DYNC2I2: variants seen among roughly 807,000 people sequenced by gnomAD.
DYNC2I2 encodes the protein cytoplasmic dynein 2 intermediate chain 2.
DYNC2I2 carries 39 observed loss-of-function variants against 52.0 expected under a neutral mutation model. The ratio of observed to expected loss-of-function variants is 0.75; its 90% CI spans 0.58 to 0.98. DYNC2I2 has a LOEUF of 0.98. Among genes scored for constraint, DYNC2I2 ranks in the 50% least tolerant of loss-of-function variants. The pLI is 0.00. For synonymous variants in DYNC2I2, 359 were observed against 321.1 expected, an observed-to-expected ratio of 1.12 and a Z score of -1.26; for missense variants, 743 against 728.4, an observed-to-expected ratio of 1.02 and a Z score of -0.23.
intron 1 of DYNC2I2, among the ~76,000 whole-genome samples, chr9:128,641,976 TACACACAC>T (rs142269423): frequency 6.8e-5 from 10 of 147,080 alleles, no homozygotes; most frequent in East Asian, 2.0e-4. Context: ...TTTATATACA[TACACACAC>T]ACACACACAC....
chr9:128,684,418 C>T, the DYNC2I2 span, among the ~76,000 whole-genome samples: 12 of 152,150 alleles, frequency 7.9e-5, no homozygotes, highest in South Asian at 4.1e-4. Context: ...CTGCCGACGG[C>T]GGCCCACAAC....
rs764534295 is a variant in DYNC2I2, at chr9:128,633,898, T to TAGAC, written c.1453_1456dup (p.Tyr486CysfsTer41). 1 of 1,613,368 alleles carries TAGAC rather than the reference T, an allele frequency of 6.2e-7. No individual in the cohort carries two copies. Among genetic ancestry groups the TAGAC allele is most frequent in the South Asian group, 1.1e-5 (1 of 91,082 alleles). ...CTGCTGGCTGTTGAACTCCAGACAG[T>TAGAC]AGACAGGGCTTTCATCCTGGGTTTG... On this transcript the variant is annotated frameshift_variant, in exon 9 of 9. Transcript: ENST00000372715. LOFTEE classifies it high-confidence loss of function.
At chr9:128,674,579 C>T in the DYNC2I2 span, among the ~76,000 whole-genome samples, 96 of 152,020 alleles carry the variant, frequency 6.3e-4, no homozygotes, top group African/African-American at 2.3e-3. Context: ...CTTGTCTGTA[C>T]TAAAAATACA....
intron 7 of DYNC2I2, among the ~76,000 whole-genome samples, 153 bp from the exon 8 acceptor site, chr9:128,634,536 G>A (rs1172114689): frequency 6.6e-6 from 1 of 152,220 alleles, no homozygotes; most frequent in South Asian, 2.1e-4. Context: ...GAGAAGGGAC[G>A]ATGCCTGGGC....
chr9:128,635,300 C>T (rs768318969), intron 5 of DYNC2I2, 41 bp from the exon 6 acceptor site: 1 of 1,600,048 alleles, frequency 6.2e-7, no homozygotes, highest in South Asian at 1.1e-5. Flanking sequence ...AGACAAGGGA[C>T]ACCTGCCCAG....
chr9:128,637,067 C>G (rs1860429414), intron 2 of DYNC2I2, 40 bp from the exon 3 acceptor site: 3 of 1,510,694 alleles, frequency 2.0e-6, no homozygotes, highest in Non-Finnish European at 9.1e-7. Context: ...AAGCCACCAG[C>G]AGGGGCCTCA....
intron 2 of DYNC2I2, 30 bp downstream of exon 2, chr9:128,640,661 G>C (rs557211544): frequency 1.3e-6 from 2 of 1,598,758 alleles, no homozygotes; most frequent in Non-Finnish European, 1.7e-6. Context: ...GCAGGGGCTC[G>C]ACCCGAGGCT....
In DYNC2I2 at chr9:128,633,998, G is replaced by C. The variant is rs767468489; in HGVS notation, c.1373-16C>G. ...TGCACGTCACCTGCAAAGAGAGACA[G>C]ATACGTGGAGTAAGAGAAACTCTAG... is the stretch of plus-strand genomic sequence containing the variant. On this transcript the variant is annotated splice_polypyrimidine_tract_variant and intron_variant, in intron 8 of 8. Coordinates refer to ENST00000372715, the MANE Select transcript of DYNC2I2 (RefSeq NM_052844.4). 1.2e-6 allele frequency: 2 copies of C among 1,612,482 alleles called. No homozygotes were observed. Among genetic ancestry groups the C allele is most frequent in the South Asian group, 1.1e-5 (1 of 91,074 alleles).
chr9:128,678,068 TTTTC>T, the DYNC2I2 span, among the ~76,000 whole-genome samples: 1 of 149,414 alleles, frequency 6.7e-6, no homozygotes, highest in African/African-American at 2.6e-5. Flanking sequence ...TTTTCTTTTC[TTTTC>T]TTTTTTTTTT....
In DYNC2I2 at chr9:128,640,792, GA is replaced by G; in HGVS notation, c.333del (p.Leu112PhefsTer12). ...ATGACCATGGCCTCCACTCTCCGAA[GA>G]AAGGCTGCGAGCCTGGGTATGTCAT... ...SQYDIPRLAA[F>X]LRRVEAMVIR... On this transcript the variant is annotated frameshift_variant, in exon 2 of 9. Transcript: ENST00000372715. LOFTEE classifies it high-confidence loss of function. 2.5e-6 allele frequency: 4 copies of G among 1,614,214 alleles called. No individual in the cohort carries two copies. Among genetic ancestry groups the G allele is most frequent in the Non-Finnish European group, 3.4e-6 (4 of 1,180,044 alleles).
chr9:128,634,796 T>A lies in DYNC2I2; in HGVS notation c.1107A>T (p.Ala369=), dbSNP rs202029061. 6.2e-7 allele frequency: 1 copy of A among 1,612,538 alleles called. No individual in the cohort carries two copies. Among genetic ancestry groups the A allele is most frequent in the African/African-American group, 1.3e-5 (1 of 75,038 alleles). Residue 369 remains alanine, a synonymous_variant, in exon 7 of 9, where the codon GCA becomes GCT. Transcript: ENST00000372715. ...CGGAGCTGGGCATCCGCGTGAGGGC[T>A]GCCTCTCCAGCTGCCAGGGAACACT... is the stretch of plus-strand genomic sequence containing the variant. The part of the protein sequence containing the change: ...PLKCSLAAGE[A]ALTRMPSSVP...
At chr9:128,674,883 TA>T in the DYNC2I2 span, among the ~76,000 whole-genome samples, 1 of 152,052 alleles carries the variant, frequency 6.6e-6, no homozygotes, top group Non-Finnish European at 1.5e-5. Flanking sequence ...CAGCCAATGA[TA>T]ACTTTTTAAG....
intron 1 of DYNC2I2, among the ~76,000 whole-genome samples, chr9:128,644,748 G>A (rs1860582354): frequency 6.6e-6 from 1 of 152,200 alleles, no homozygotes; most frequent in African/African-American, 2.4e-5. Flanking sequence ...CGGCGCCCCT[G>A]CACTGCACAA....
At chr9:128,675,254 T>C in the DYNC2I2 span, among the ~76,000 whole-genome samples, 5 of 152,092 alleles carry the variant, frequency 3.3e-5, no homozygotes, top group African/African-American at 1.2e-4. Context: ...CTCAGCTCAT[T>C]GCAACCTCCG....
chr9:128,667,407 C>G, the DYNC2I2 span, among the ~76,000 whole-genome samples: 1 of 151,856 alleles, frequency 6.6e-6, no homozygotes, highest in Non-Finnish European at 1.5e-5. Flanking sequence ...CTTGCTGCAA[C>G]CTCCGCCTCC....
chr9:128,656,754 C>A lies in DYNC2I2; in HGVS notation c.-28G>T. ...AGACGGTTCCGCCCTCTCGTGCGGA[C>A]GCACTCAGGCGCGACCTCCGCCCCT... is the stretch of plus-strand genomic sequence containing the variant. On this transcript the variant is annotated 5_prime_UTR_variant, in exon 1 of 9. Coordinates refer to ENST00000372715, the MANE Select transcript of DYNC2I2 (RefSeq NM_052844.4). The A allele has an allele frequency of 7.5e-7, 1 of 1,331,902 alleles. No homozygotes were observed. The highest frequency in any genetic ancestry group is 9.6e-7 in the Non-Finnish European group (1 of 1,040,330). 82.5% of individuals were successfully genotyped at this position (1,331,902 alleles called of 1,614,324 possible).
upstream of DYNC2I2, among the ~76,000 whole-genome samples, chr9:128,659,905 T>C (rs1352981829): frequency 6.6e-6 from 1 of 150,422 alleles, no homozygotes; most frequent in African/African-American, 2.4e-5. Context: ...CAAGACTCTG[T>C]CTCAAAAAAA....
intron 1 of DYNC2I2, among the ~76,000 whole-genome samples, chr9:128,656,208 C>CAAA (rs34359001): frequency 2.2e-5 from 3 of 136,428 alleles, no homozygotes; most frequent in East Asian, 4.3e-4. Context: ...AGACCCTGTT[C>CAAA]AAAAAAAAAA....
chr9:128,667,851 G>A, the DYNC2I2 span, among the ~76,000 whole-genome samples: 4 of 142,902 alleles, frequency 2.8e-5, no homozygotes, highest in Non-Finnish European at 3.1e-5. Context: ...TCCTGCCTCA[G>A]CCTCCCGAGT....
Sources: allele counts gnomAD v4.1 joint callset (sites outside exome capture counted in the v4.1 genomes callset), GRCh38; gene constraint gnomAD v4.1.1; transcripts MANE v1.5; gene names NCBI Gene and HGNC (gene_info 2026-07-23, HGNC 2026-07-21).